SSBP2: variants seen among roughly 807,000 people sequenced by gnomAD.
SSBP2 encodes single-stranded DNA-binding protein 2.
A neutral mutation model predicts 61.8 loss-of-function variants in SSBP2; 17 were observed. That is an observed-to-expected ratio of 0.28 (90% CI 0.19 to 0.41). SSBP2 has a LOEUF of 0.41. SSBP2 is among the 10% of genes least tolerant of loss of function. SSBP2 has a pLI of 1.00. For synonymous variants in SSBP2, 139 were observed against 141.3 expected, an observed-to-expected ratio of 0.98 and a Z score of 0.12; for missense variants, 310 against 458.7, an observed-to-expected ratio of 0.68 and a Z score of 2.96.
At chr5:81,461,727 G>C (rs1764557355) in intron 9 of SSBP2, among the ~76,000 whole-genome samples, 1 of 152,086 alleles carries the variant, frequency 6.6e-6, no homozygotes, top group African/African-American at 2.4e-5. Context: ...ATAGTGGCCA[G>C]AGCAAATCTT....
intron 16 of SSBP2, among the ~76,000 whole-genome samples, chr5:81,424,380 C>T (rs903906629): frequency 3.3e-5 from 5 of 151,984 alleles, no homozygotes; most frequent in African/African-American, 1.2e-4. Flanking sequence ...GCCAAGATCG[C>T]ACCATTGCAT....
intron 2 of SSBP2, 31 bp downstream of exon 2, chr5:81,650,236 A>G (rs373622464): frequency 1.8e-5 from 26 of 1,436,898 alleles, no homozygotes; most frequent in Admixed American, 1.3e-4. Context: ...TATAAGATCA[A>G]AATGCAATAC....
chr5:81,551,052 C>T (rs1469461900), intron 4 of SSBP2, among the ~76,000 whole-genome samples: 2 of 137,822 alleles, frequency 1.5e-5, no homozygotes, highest in African/African-American at 5.7e-5. Flanking sequence ...GCGGAGATCA[C>T]ACCACTGCAC....
chr5:81,538,840 G>A (rs905684744), intron 4 of SSBP2, among the ~76,000 whole-genome samples: 16 of 152,128 alleles, frequency 1.1e-4, no homozygotes, highest in Admixed American at 5.2e-4. Context: ...CCTGCTACAC[G>A]GAAGTCCTCT....
intron 1 of SSBP2, among the ~76,000 whole-genome samples, chr5:81,719,748 A>G (rs901196447): frequency 1.3e-5 from 2 of 152,192 alleles, no homozygotes; most frequent in African/African-American, 4.8e-5. Flanking sequence ...GACAGGGGAA[A>G]GCATGGCACA....
intron 1 of SSBP2, among the ~76,000 whole-genome samples, chr5:81,735,970 T>C (rs1297744144): frequency 6.6e-6 from 1 of 152,214 alleles, no homozygotes; most frequent in Non-Finnish European, 1.5e-5. Flanking sequence ...TCAGATTGTT[T>C]CCTGTTCTCA....
At chr5:81,511,218 T>G (rs546437153) in intron 5 of SSBP2, among the ~76,000 whole-genome samples, 1 of 152,334 alleles carries the variant, frequency 6.6e-6, no homozygotes, top group African/African-American at 2.4e-5. Flanking sequence ...AAGATTCGGT[T>G]TGGTGGCCTT....
chr5:81,432,101 T>C (rs1478740004), intron 15 of SSBP2, among the ~76,000 whole-genome samples: 1 of 152,224 alleles, frequency 6.6e-6, no homozygotes, highest in African/African-American at 2.4e-5. Context: ...AGGCTGCCAA[T>C]AGTGAGTTTT....
At chr5:81,681,409 A>G (rs1467986450) in intron 1 of SSBP2, among the ~76,000 whole-genome samples, 2 of 151,294 alleles carry the variant, frequency 1.3e-5, no homozygotes, top group Non-Finnish European at 2.9e-5. Context: ...AATCTCAGCT[A>G]GTTGGGAGGC....
chr5:81,667,773 C>A (rs552497152), intron 1 of SSBP2, among the ~76,000 whole-genome samples: 3 of 152,154 alleles, frequency 2.0e-5, no homozygotes, highest in African/African-American at 7.2e-5. Context: ...ATATGAAGCA[C>A]AAAGAAACAC....
chr5:81,676,361 T>G (rs1020097839), intron 1 of SSBP2, among the ~76,000 whole-genome samples: 5 of 152,152 alleles, frequency 3.3e-5, no homozygotes, highest in South Asian at 4.1e-4. Flanking sequence ...TGTTATTCTC[T>G]TCAAGTTGCT....
intron 1 of SSBP2, among the ~76,000 whole-genome samples, chr5:81,660,682 A>T (rs192371805): frequency 7.3e-4 from 111 of 152,334 alleles, no homozygotes; most frequent in African/African-American, 2.5e-3. Flanking sequence ...ATTATAAATC[A>T]TTCTACTATA....
chr5:81,650,459 T>C (rs923045778), intron 1 of SSBP2, 120 bp from the exon 2 acceptor site: 1 of 517,432 alleles, frequency 1.9e-6, no homozygotes, highest in African/African-American at 2.0e-5. Context: ...AATAAACCCT[T>C]CCCATACTAT....
At chr5:81,623,649 TAA>T (rs1219337058) in intron 3 of SSBP2, among the ~76,000 whole-genome samples, 1 of 152,156 alleles carries the variant, frequency 6.6e-6, no homozygotes, top group African/African-American at 2.4e-5. Flanking sequence ...GTAGTACTTT[TAA>T]AAGATTACCT....
chr5:81,574,665 G>A (rs1388996233), intron 4 of SSBP2, among the ~76,000 whole-genome samples: 1 of 151,074 alleles, frequency 6.6e-6, no homozygotes, highest in Non-Finnish European at 1.5e-5. Flanking sequence ...AAAACCAAAG[G>A]GAAAAAAACC....
chr5:81,501,527 A>C (rs926976351), intron 5 of SSBP2, among the ~76,000 whole-genome samples: 1 of 144,438 alleles, frequency 6.9e-6, no homozygotes, highest in South Asian at 2.2e-4. Flanking sequence ...CAGTTACTCT[A>C]TTCCCTGGTG....
Position 81,656,386 on chromosome 5 carries a change from C to T in SSBP2, c.63-6047G>A, listed in dbSNP as rs182909960. Among the ~76,000 whole-genome samples the T allele has an allele frequency of 7.4e-3, 1,128 of 152,062 alleles. 23 individuals are homozygous for T. Among genetic ancestry groups the T allele is most frequent in the Non-Finnish European group, 7.0e-3 (477 of 67,996 alleles). ...AATTTAAAAAATACATAAAAGTGTT[C>T]AACTGTTGACTGTCCCTACAAAAAT... On this transcript the variant is annotated intron_variant, in intron 1 of 16. Transcript: ENST00000320672.
At chr5:81,464,657 C>A (rs1364590451) in intron 9 of SSBP2, among the ~76,000 whole-genome samples, 1 of 152,044 alleles carries the variant, frequency 6.6e-6, no homozygotes, top group Non-Finnish European at 1.5e-5. Context: ...GAAAAAATGA[C>A]AAGCTAAAGA....
At chr5:81,639,779 C>T (rs1054282503) in intron 2 of SSBP2, among the ~76,000 whole-genome samples, 3 of 152,148 alleles carry the variant, frequency 2.0e-5, no homozygotes, top group African/African-American at 7.2e-5. Context: ...CAAAAAAATT[C>T]AAGGAATTCT....
Sources: gnomAD v4.1 joint callset for allele counts (sites outside exome capture counted in the v4.1 genomes callset) on GRCh38, gnomAD v4.1.1 for gene constraint, MANE v1.5 for transcripts, NCBI Gene and HGNC (gene_info 2026-07-23, HGNC 2026-07-21) for gene names.